The following GNA14 variants were observed in gnomAD, a reference collection of about 807,000 sequenced individuals.
GNA14 encodes the protein G protein subunit alpha 14.
A neutral mutation model predicts 42.0 loss-of-function variants in GNA14; 50 were observed. The ratio of observed to expected loss-of-function variants is 1.19; its 90% CI spans 0.95 to 1.51. The LOEUF (loss-of-function observed/expected upper bound fraction) is 1.51. GNA14 is among the 40% of genes most tolerant of loss of function. The pLI is 0.00. For missense variants in GNA14, 473 were observed against 446.2 expected (o/e 1.06, Z -0.54); for synonymous variants, 173 against 163.1 (o/e 1.06, Z -0.46).
At chr9:77,493,899 T>C (rs1000371157) in intron 2 of GNA14, among the ~76,000 whole-genome samples, 2 of 152,190 alleles carry the variant, frequency 1.3e-5, no homozygotes, top group Non-Finnish European at 2.9e-5. Flanking sequence ...AACAAAAAGA[T>C]AAAGTCTGGA....
intron 1 of GNA14, among the ~76,000 whole-genome samples, chr9:77,532,587 C>T (rs924008457): frequency 6.6e-6 from 1 of 152,162 alleles, no homozygotes; most frequent in Non-Finnish European, 1.5e-5. Context: ...TATGACTGTT[C>T]ATTTATTCAC....
intron 1 of GNA14, among the ~76,000 whole-genome samples, chr9:77,533,114 T>TCC (rs1837552068): frequency 6.6e-6 from 1 of 151,858 alleles, no homozygotes; most frequent in Non-Finnish European, 1.5e-5. Flanking sequence ...CATTTAGTTT[T>TCC]TCTGTTTTCA....
At chr9:77,461,110 T>G (rs1668461747) in intron 2 of GNA14, among the ~76,000 whole-genome samples, 1 of 152,224 alleles carries the variant, frequency 6.6e-6, no homozygotes, top group Non-Finnish European at 1.5e-5. Flanking sequence ...TGGGCCTTCA[T>G]GAGTCCCAGG....
chr9:77,574,256 AGC>A, intron 1 of GNA14, among the ~76,000 whole-genome samples: 1 of 152,240 alleles, frequency 6.6e-6, no homozygotes, highest in Non-Finnish European at 1.5e-5. Context: ...AGGACAATCA[AGC>A]TGCACCTTGA....
At chr9:77,580,302 C>T (rs1362177794) in intron 1 of GNA14, 1 of 326,166 alleles carries the variant, frequency 3.1e-6, no homozygotes, top group Admixed American at 3.4e-5. Context: ...ACATTACTAC[C>T]AGTTATTTGA....
intron 2 of GNA14, among the ~76,000 whole-genome samples, chr9:77,511,837 T>C (rs1837175719): frequency 6.6e-6 from 1 of 152,140 alleles, no homozygotes; most frequent in Non-Finnish European, 1.5e-5. Flanking sequence ...AAAATGAACT[T>C]GGAACTTGTG....
Position 77,424,124 on chromosome 9 carries a change from A to C in GNA14, c.923T>G (p.Leu308Arg). 6.2e-7 allele frequency: 1 copy of C among 1,613,094 alleles called. No individual in the cohort carries two copies. ...VRAARDFILK[L>R]YQDQNPDKEK... is the part of the protein sequence containing the mutation. ...TTTGTCAGGATTCTGATCTTGGTAA[A>C]GCTTCAGGATAAAGTCTCTGGCAGC... Residue 308 changes from leucine to arginine, a missense_variant, in exon 7 of 7, where the codon CTT becomes CGT. By Grantham distance (102) the Leu-to-Arg change is moderately radical. Transcript: ENST00000341700.
chr9:77,557,122 C>T (rs868472192), intron 1 of GNA14, among the ~76,000 whole-genome samples: 1 of 152,150 alleles, frequency 6.6e-6, no homozygotes, highest in African/African-American at 2.4e-5. Context: ...TAAGGGTGCC[C>T]CTCCACAGCA....
chr9:77,580,352 G>A (rs538184872), intron 1 of GNA14: 15 of 336,822 alleles, frequency 4.5e-5, no homozygotes, highest in African/African-American at 1.5e-4. Context: ...ACATTGACGC[G>A]TCATGCCTTA....
rs73454004 is a variant in GNA14, at chr9:77,423,541, A to G, written c.*438T>C. On this transcript the variant is annotated 3_prime_UTR_variant, in exon 7 of 7. Coordinates refer to ENST00000341700, the MANE Select transcript of GNA14 (RefSeq NM_004297.4). ...GTCTCTAAATTACAAGGTTTAATAA[A>G]AAGCTTCAAACCCATTAACATTCTT... 0.013 allele frequency: 1,908 copies of G among 152,462 alleles called. 37 individuals carry two copies. The highest frequency in any genetic ancestry group is 0.043 in the African/African-American group (1,799 of 41,582). 9.4% of individuals were successfully genotyped at this position (152,462 alleles called of 1,614,324 possible).
chr9:77,502,853 G>A (rs151121125), intron 2 of GNA14, among the ~76,000 whole-genome samples: 24 of 152,250 alleles, frequency 1.6e-4, no homozygotes, highest in African/African-American at 5.5e-4. Context: ...GCTAAAGCAG[G>A]GTGGCTATTG....
chr9:77,498,393 A>AAAAG (rs1836910686), intron 2 of GNA14, among the ~76,000 whole-genome samples: 1 of 150,522 alleles, frequency 6.6e-6, no homozygotes, highest in Non-Finnish European at 1.5e-5. Flanking sequence ...AAAAAAGAAA[A>AAAAG]AAAAGAAAAA....
chr9:77,585,352 G>A (rs1050097578), intron 1 of GNA14, among the ~76,000 whole-genome samples: 4 of 152,002 alleles, frequency 2.6e-5, no homozygotes, highest in Non-Finnish European at 2.9e-5. Context: ...CTTTTGTAAG[G>A]GAAATTTATA....
chr9:77,425,150 C>T (rs1204407161), intron 6 of GNA14, among the ~76,000 whole-genome samples: 3 of 151,966 alleles, frequency 2.0e-5, no homozygotes, highest in Non-Finnish European at 4.4e-5. Context: ...GGGAAGAGAG[C>T]TGAGTGAGCA....
At position 77,463,368 on chromosome 9, in the gene GNA14, C is replaced by T. The variant is rs144320324; in HGVS notation, c.310-28846G>A. On this transcript the variant is annotated intron_variant, in intron 2 of 6. Transcript: ENST00000341700. ...AAGAACCAGAGCTGCTCATAAAAAGCTTGGAATCAGTGGATGTCACTTAAA... is the reference window on the plus strand; with the variant it reads ...AAGAACCAGAGCTGCTCATAAAAAGTTTGGAATCAGTGGATGTCACTTAAA... 3.0e-3 allele frequency among the ~76,000 whole-genome samples: 460 copies of T among 152,166 alleles called. 2 individuals carry two copies. Among genetic ancestry groups the T allele is most frequent in the African/African-American group, 0.011 (441 of 41,458 alleles).
Position 77,529,120 on chromosome 9 carries a change from C to T in GNA14, c.258G>A (p.Met86Ile), listed in dbSNP as rs771132285. ...TCCTTAGCGTGTCCATCGCTCTGAT[C>T]ATGGCTTGCATGGCGGTGAATATGT... The part of the protein sequence containing the change: ...YQNIFTAMQA[M>I]IRAMDTLRIQ... The change falls in exon 2 of 7, where the codon ATG (methionine) becomes ATA (isoleucine). Residue 86 changes from methionine to isoleucine, a missense_variant. Met to Ile is a conservative substitution (Grantham distance 10). Coordinates refer to ENST00000341700, the MANE Select transcript of GNA14 (RefSeq NM_004297.4). 1.8e-5 allele frequency: 29 copies of T among 1,614,086 alleles called. No homozygotes were observed. Among genetic ancestry groups the T allele is most frequent in the Non-Finnish European group, 2.1e-5 (25 of 1,180,024 alleles).
intron 2 of GNA14, among the ~76,000 whole-genome samples, chr9:77,473,746 G>A (rs922289361): frequency 2.6e-5 from 4 of 151,680 alleles, no homozygotes; most frequent in Admixed American, 2.6e-4. Flanking sequence ...GGAGACTCAC[G>A]CTCCCTGATT....
chr9:77,528,825 A>G (rs1056254936), intron 2 of GNA14, among the ~76,000 whole-genome samples: 2 of 152,154 alleles, frequency 1.3e-5, no homozygotes, highest in African/African-American at 4.8e-5. Flanking sequence ...AGGAACCTAA[A>G]TAACAGCCCA....
chr9:77,604,029 T>C (rs1201206126), intron 1 of GNA14, among the ~76,000 whole-genome samples: 1 of 145,206 alleles, frequency 6.9e-6, no homozygotes, highest in Non-Finnish European at 1.5e-5. Flanking sequence ...TTGCAATTAA[T>C]CTGGAACATT....
Sources: gnomAD v4.1 joint callset for allele counts (sites outside exome capture counted in the v4.1 genomes callset) on GRCh38, gnomAD v4.1.1 for gene constraint, MANE v1.5 for transcripts, NCBI Gene and HGNC (gene_info 2026-07-23, HGNC 2026-07-21) for gene names.